Variants in RNLS observed in about 807,000 individuals in gnomAD.
RNLS encodes the protein renalase, FAD dependent amine oxidase, also known as renalase.
A neutral mutation model predicts 39.8 loss-of-function variants in RNLS; 39 were observed. That is an observed-to-expected ratio of 0.98 (90% CI 0.76 to 1.28). RNLS has a LOEUF of 1.28. Ranked by LOEUF, RNLS falls within the 50% of genes most tolerant of loss-of-function variation. RNLS has a pLI of 0.00. For synonymous variants in RNLS, 147 were observed against 150.7 expected (o/e 0.98, Z 0.18); for missense variants, 410 against 413.3 (o/e 0.99, Z 0.07).
the RNLS span, among the ~76,000 whole-genome samples, chr10:88,241,772 G>A: frequency 1.3e-5 from 2 of 152,146 alleles, no homozygotes; most frequent in Admixed American, 6.5e-5. Flanking sequence ...TCTCCCCTCC[G>A]GCAATATCAG....
intron 4 of RNLS, among the ~76,000 whole-genome samples, chr10:88,555,189 G>T (rs747582353): frequency 9.2e-5 from 14 of 152,018 alleles, no homozygotes; most frequent in Non-Finnish European, 1.9e-4. Context: ...AGAAACACTG[G>T]TCTAAACACA....
chr10:88,216,430 C>G, the RNLS span, among the ~76,000 whole-genome samples: 1 of 152,166 alleles, frequency 6.6e-6, no homozygotes, highest in Non-Finnish European at 1.5e-5. Flanking sequence ...GCTTAGTACT[C>G]TAGAAGGTGC....
intron 4 of RNLS, among the ~76,000 whole-genome samples, chr10:88,491,872 T>C (rs1053867733): frequency 6.6e-6 from 1 of 151,722 alleles, no homozygotes; most frequent in Non-Finnish European, 1.5e-5. Context: ...AGATGAAGTG[T>C]AAAGATTCCA....
At chr10:88,320,419 A>G (rs1418649977) in intron 5 of RNLS, among the ~76,000 whole-genome samples, 1 of 151,370 alleles carries the variant, frequency 6.6e-6, no homozygotes, top group Non-Finnish European at 1.5e-5. Flanking sequence ...TAACAACACT[A>G]TGGCAGGAAC....
intron 4 of RNLS, among the ~76,000 whole-genome samples, chr10:88,416,580 T>C (rs997635582): frequency 2.0e-5 from 3 of 152,190 alleles, no homozygotes; most frequent in Non-Finnish European, 2.9e-5. Flanking sequence ...GCAAAGTCTA[T>C]TAGATTTCTT....
chr10:88,371,383 C>CA (rs1057374063), intron 4 of RNLS, among the ~76,000 whole-genome samples: 2 of 152,054 alleles, frequency 1.3e-5, no homozygotes, highest in African/African-American at 4.8e-5. Context: ...GATACTAAAT[C>CA]AAAGACACGT....
At chr10:88,448,093 C>T (rs1417235524) in intron 4 of RNLS, among the ~76,000 whole-genome samples, 1 of 152,162 alleles carries the variant, frequency 6.6e-6, no homozygotes, top group Admixed American at 6.5e-5. Context: ...AGGACATAGG[C>T]ATGGGCAAGG....
chr10:88,396,690 T>C (rs1774977), intron 4 of RNLS, among the ~76,000 whole-genome samples: 25,557 of 132,964 alleles, frequency 0.19, 2,944 homozygotes, highest in Non-Finnish European at 0.27. Flanking sequence ...TAAGGCTTAG[T>C]TTGGCATAAT....
the RNLS span, among the ~76,000 whole-genome samples, chr10:88,236,945 A>T: frequency 6.6e-6 from 1 of 152,130 alleles, no homozygotes; most frequent in Admixed American, 6.5e-5. Flanking sequence ...AAGTTCTAAA[A>T]TTCAGGTAGA....
chr10:88,427,289 G>C (rs1022412706), intron 4 of RNLS, among the ~76,000 whole-genome samples: 1 of 151,988 alleles, frequency 6.6e-6, no homozygotes, highest in Non-Finnish European at 1.5e-5. Flanking sequence ...TGCTGGAGTG[G>C]AATCAGGGTA....
chr10:88,408,269 T>C (rs887898625), intron 4 of RNLS, among the ~76,000 whole-genome samples: 1 of 152,092 alleles, frequency 6.6e-6, no homozygotes, highest in African/African-American at 2.4e-5. Context: ...TCTATAAGCA[T>C]TATGCAATGA....
At chr10:88,331,254 AATT>A (rs1357128300) in intron 5 of RNLS, among the ~76,000 whole-genome samples, 1 of 152,190 alleles carries the variant, frequency 6.6e-6, no homozygotes, top group East Asian at 1.9e-4. Flanking sequence ...CCATCTGAAA[AATT>A]AAATTTTTGG....
chr10:88,444,621 C>A (rs893270521), intron 4 of RNLS, among the ~76,000 whole-genome samples: 1 of 152,022 alleles, frequency 6.6e-6, no homozygotes, highest in Non-Finnish European at 1.5e-5. Flanking sequence ...TAGAGAAGTC[C>A]TTAAATGACC....
Position 88,292,569 on chromosome 10 carries a change from T to A in RNLS, c.877-7063A>T, listed in dbSNP as rs374611098. Among the ~76,000 whole-genome samples the A allele has an allele frequency of 1.5e-4, 22 of 146,412 alleles. No homozygotes were observed. In the East Asian group the frequency reaches 2.2e-3, roughly 15 times the overall value. Reference sequence around the variant, plus strand: ...ATTTCTCAACTGCATACAAGGTAACTCACATTAAAAAAAAAAAAAAAACCT... The same window carrying A: ...ATTTCTCAACTGCATACAAGGTAACACACATTAAAAAAAAAAAAAAAACCT... On this transcript the variant is annotated intron_variant, in intron 6 of 6. Transcript: ENST00000331772.
chr10:88,475,348 A>G (rs1188654446), intron 4 of RNLS, among the ~76,000 whole-genome samples: 1 of 152,184 alleles, frequency 6.6e-6, no homozygotes, highest in Non-Finnish European at 1.5e-5. Flanking sequence ...AAAAATAAGG[A>G]AGCCCAATCT....
At chr10:88,505,861 CAT>C (rs1275265003) in intron 4 of RNLS, among the ~76,000 whole-genome samples, 1 of 152,106 alleles carries the variant, frequency 6.6e-6, no homozygotes, top group Non-Finnish European at 1.5e-5. Flanking sequence ...AAGGAATGCA[CAT>C]GTTATCAGTG....
At chr10:88,279,023 T>C (rs1047629598) in intron 6 of RNLS, among the ~76,000 whole-genome samples, 1 of 152,180 alleles carries the variant, frequency 6.6e-6, no homozygotes, top group African/African-American at 2.4e-5. Context: ...AAGCAGATAT[T>C]GAACAAGTAA....
At chr10:88,235,361 A>G in the RNLS span, among the ~76,000 whole-genome samples, 2 of 152,120 alleles carry the variant, frequency 1.3e-5, no homozygotes, top group South Asian at 4.2e-4. Context: ...GCTAGTATCC[A>G]AAGCAAACAA....
chr10:88,233,155 C>A, the RNLS span, among the ~76,000 whole-genome samples: 1 of 152,198 alleles, frequency 6.6e-6, no homozygotes, highest in Non-Finnish European at 1.5e-5. Context: ...GTTGGCAGGC[C>A]GGACTGGACT....
Sources: allele counts gnomAD v4.1 joint callset (sites outside exome capture counted in the v4.1 genomes callset), GRCh38; gene constraint gnomAD v4.1.1; transcripts MANE v1.5; gene names NCBI Gene and HGNC (gene_info 2026-07-23, HGNC 2026-07-21).